Variants in CCDC171 observed in about 807,000 individuals in gnomAD.
CCDC171 encodes coiled-coil domain-containing protein 171.
A neutral mutation model predicts 168.2 loss-of-function variants in CCDC171; 177 were observed. That is an observed-to-expected ratio of 1.05 (90% confidence interval 0.93 to 1.19). The LOEUF is 1.19. Ranked by LOEUF, CCDC171 falls within the 50% of genes most tolerant of loss-of-function variation. CCDC171 has a pLI of 0.00. For missense variants in CCDC171, 1,991 were observed against 1,539.0 expected, an observed-to-expected ratio of 1.29 and a Z score of -4.91; for synonymous variants, 687 against 540.8, an observed-to-expected ratio of 1.27 and a Z score of -3.75.
At chr9:15,560,787 G>A (rs182751755) in intron 1 of CCDC171, among the ~76,000 whole-genome samples, 1 of 152,206 alleles carries the variant, frequency 6.6e-6, no homozygotes, top group East Asian at 1.9e-4. Context: ...GAGGAGCTGC[G>A]TTCTTTTGGA....
At chr9:15,593,184 G>T (rs536379601) in intron 5 of CCDC171, among the ~76,000 whole-genome samples, 1 of 152,110 alleles carries the variant, frequency 6.6e-6, no homozygotes, top group Non-Finnish European at 1.5e-5. Context: ...TATAAGTTAG[G>T]AGGGTAGTAT....
At chr9:15,648,273 A>T (rs2047210255) in intron 7 of CCDC171, among the ~76,000 whole-genome samples, 2 of 152,338 alleles carry the variant, frequency 1.3e-5, no homozygotes, top group South Asian at 4.1e-4. Flanking sequence ...TATCTGTGAC[A>T]AACCCACAGC....
intron 18 of CCDC171, among the ~76,000 whole-genome samples, chr9:15,770,228 A>G (rs779158973): frequency 6.6e-6 from 1 of 152,204 alleles, no homozygotes; most frequent in Non-Finnish European, 1.5e-5. Context: ...TGCCTTGTTG[A>G]AGACCACCCA....
chr9:16,009,734 A>C (rs1832811024), intron 3 of CCDC171, among the ~76,000 whole-genome samples: 1 of 152,216 alleles, frequency 6.6e-6, no homozygotes, highest in Non-Finnish European at 1.5e-5. Flanking sequence ...GTTTTTTTAA[A>C]ATCTAGATAA....
At chr9:15,971,487 G>T in intron 25 of CCDC171, 122 bp from the exon 26 acceptor site, 1 of 611,978 alleles carries the variant, frequency 1.6e-6, no homozygotes, top group Non-Finnish European at 2.9e-6. Context: ...TATTGAAATA[G>T]TAGTTTCCAT....
chr9:16,032,603 T>A (rs565491166), intron 6 of CCDC171, among the ~76,000 whole-genome samples: 3 of 152,156 alleles, frequency 2.0e-5, no homozygotes. Context: ...GATATCCAGG[T>A]TGGCTCCAAG....
chr9:15,958,551 A>ATATTG (rs1227325511), intron 25 of CCDC171, among the ~76,000 whole-genome samples: 1 of 147,852 alleles, frequency 6.8e-6, no homozygotes, highest in East Asian at 2.0e-4. Flanking sequence ...ATATTATATT[A>ATATTG]TATTATATTA....
At chr9:15,939,718 A>T (rs996877147) in intron 25 of CCDC171, among the ~76,000 whole-genome samples, 1 of 151,886 alleles carries the variant, frequency 6.6e-6, no homozygotes, top group Admixed American at 6.6e-5. Context: ...TTTAGAAATT[A>T]AATTTTGAAA....
chr9:15,557,456 C>G (rs1486082824), intron 1 of CCDC171, among the ~76,000 whole-genome samples: 1 of 152,116 alleles, frequency 6.6e-6, no homozygotes, highest in Non-Finnish European at 1.5e-5. Flanking sequence ...AGGTCCTTCA[C>G]TTCCTTTGTA....
chr9:15,794,784 G>A (rs1459208123), intron 21 of CCDC171, among the ~76,000 whole-genome samples: 1 of 152,194 alleles, frequency 6.6e-6, no homozygotes, highest in Admixed American at 6.5e-5. Context: ...GTATTCTAAT[G>A]TTAAACCAGC....
intron 18 of CCDC171, among the ~76,000 whole-genome samples, chr9:15,751,030 C>T (rs911000165): frequency 1.4e-4 from 21 of 152,138 alleles, no homozygotes; most frequent in African/African-American, 4.3e-4. Context: ...AAAACCCCAT[C>T]GTCTCAGCCC....
At chr9:15,759,983 T>C (rs2056356923) in intron 18 of CCDC171, among the ~76,000 whole-genome samples, 1 of 152,192 alleles carries the variant, frequency 6.6e-6, no homozygotes, top group Non-Finnish European at 1.5e-5. Context: ...ATGAGCAGTA[T>C]CTTAATTATT....
chr9:16,051,445 A>T (rs2133071453), intron 1 of CCDC171, among the ~76,000 whole-genome samples: 1 of 152,226 alleles, frequency 6.6e-6, no homozygotes, highest in East Asian at 1.9e-4. Context: ...AGGCCTGGGT[A>T]AGTTTGCTCT....
intron 1 of CCDC171, among the ~76,000 whole-genome samples, chr9:15,556,963 A>G (rs954592966): frequency 2.0e-5 from 3 of 152,190 alleles, no homozygotes; most frequent in Admixed American, 2.0e-4. Context: ...GCATATGGCT[A>G]GCCAGTTTTC....
chr9:15,767,408 C>G (rs941862989), intron 18 of CCDC171, among the ~76,000 whole-genome samples: 1 of 152,164 alleles, frequency 6.6e-6, no homozygotes, highest in Non-Finnish European at 1.5e-5. Flanking sequence ...CTTCTGTGTA[C>G]CACTTTAAAG....
intron 23 of CCDC171, among the ~76,000 whole-genome samples, chr9:15,873,645 G>A (rs2131217143): frequency 6.6e-6 from 1 of 152,142 alleles, no homozygotes; most frequent in Admixed American, 6.6e-5. Flanking sequence ...GTTCTTAAAT[G>A]CAAACGAAAC....
chr9:16,093,224 A>C, the CCDC171 span, among the ~76,000 whole-genome samples: 1 of 152,208 alleles, frequency 6.6e-6, no homozygotes, highest in African/African-American at 2.4e-5. Flanking sequence ...CGGAAAACTC[A>C]ACCGGAGGTT....
At chr9:15,572,760 A>G (rs2040335628) in intron 3 of CCDC171, among the ~76,000 whole-genome samples, 1 of 152,126 alleles carries the variant, frequency 6.6e-6, no homozygotes, top group African/African-American at 2.4e-5. Flanking sequence ...GCTCTTCTTT[A>G]GTTTGTAAAC....
At chr9:15,554,976 A>T (rs762164680) in intron 1 of CCDC171, among the ~76,000 whole-genome samples, 4 of 152,102 alleles carry the variant, frequency 2.6e-5, no homozygotes, top group Non-Finnish European at 4.4e-5. Context: ...TCATCCACCC[A>T]TCCCTCGTTT....
Sources: allele counts gnomAD v4.1 joint callset (sites outside exome capture counted in the v4.1 genomes callset), GRCh38; gene constraint gnomAD v4.1.1; transcripts MANE v1.5; gene names NCBI Gene and HGNC (gene_info 2026-07-23, HGNC 2026-07-21).